The following CADPS2 variants were observed in gnomAD, a reference collection of about 807,000 sequenced individuals.
CADPS2 encodes calcium-dependent secretion activator 2.
CADPS2 carries 93 observed loss-of-function variants against 172.5 expected under a neutral mutation model. The observed-to-expected ratio is 0.54, with a 90% confidence interval of 0.46 to 0.64. CADPS2 has a LOEUF of 0.64. Among genes scored for constraint, CADPS2 ranks in the 30% least tolerant of loss-of-function variants. The pLI, the probability that CADPS2 is intolerant of heterozygous loss-of-function variation, is 0.00. For synonymous variants in CADPS2, 546 were observed against 555.2 expected, an observed-to-expected ratio of 0.98 and a Z score of 0.23; for missense variants, 1,420 against 1,565.9, an observed-to-expected ratio of 0.91 and a Z score of 1.57.
At chr7:122,588,006 C>T (rs2070047458) in intron 6 of CADPS2, among the ~76,000 whole-genome samples, 1 of 152,042 alleles carries the variant, frequency 6.6e-6, no homozygotes, top group Non-Finnish European at 1.5e-5. Context: ...GCATGAATGT[C>T]TTCTTTTGAA....
At chr7:122,701,585 T>C (rs536826384) in intron 2 of CADPS2, 33 of 244,848 alleles carry the variant, frequency 1.3e-4, no homozygotes, top group Non-Finnish European at 2.2e-4. Flanking sequence ...AAACTTAAAG[T>C]ATAATAAAAA....
intron 28 of CADPS2, among the ~76,000 whole-genome samples, chr7:122,341,991 G>T (rs2036849928): frequency 6.6e-6 from 1 of 152,146 alleles, no homozygotes; most frequent in Admixed American, 6.5e-5. Flanking sequence ...TTTTGTAAAT[G>T]TGACTACTTA....
At chr7:122,363,777 C>A (rs1206208781) in intron 25 of CADPS2, among the ~76,000 whole-genome samples, 1 of 152,060 alleles carries the variant, frequency 6.6e-6, no homozygotes, top group Non-Finnish European at 1.5e-5. Flanking sequence ...ATATGATTAG[C>A]AAAATCACTA....
chr7:122,820,444 T>C (rs985501086), intron 1 of CADPS2, among the ~76,000 whole-genome samples: 15 of 150,668 alleles, frequency 1.0e-4, no homozygotes. Context: ...AAACAACAAC[T>C]CCTTTCCTTC....
At chr7:122,334,058 T>C (rs1255823175) in intron 28 of CADPS2, among the ~76,000 whole-genome samples, 1 of 152,076 alleles carries the variant, frequency 6.6e-6, no homozygotes, top group South Asian at 2.1e-4. Flanking sequence ...AAGTAAACAG[T>C]TGCATTTGGC....
chr7:122,807,403 G>T (rs1799018779), intron 1 of CADPS2, among the ~76,000 whole-genome samples: 2 of 152,268 alleles, frequency 1.3e-5, no homozygotes, highest in East Asian at 1.9e-4. Context: ...CTATAATCTG[G>T]AGAGAAATTT....
chr7:122,665,080 A>G (rs1040718138), intron 2 of CADPS2, among the ~76,000 whole-genome samples: 2 of 151,822 alleles, frequency 1.3e-5, no homozygotes, highest in Non-Finnish European at 2.9e-5. Flanking sequence ...GATTACAGGC[A>G]TGAGCCACCA....
chr7:122,641,141 C>T (rs2077598125), intron 3 of CADPS2, among the ~76,000 whole-genome samples: 1 of 151,946 alleles, frequency 6.6e-6, no homozygotes, highest in African/African-American at 2.4e-5. Context: ...CAATAGATTA[C>T]TTTGCTCACA....
At chr7:122,424,866 T>C (rs2048950916) in intron 17 of CADPS2, among the ~76,000 whole-genome samples, 1 of 151,812 alleles carries the variant, frequency 6.6e-6, no homozygotes, top group African/African-American at 2.4e-5. Flanking sequence ...TTTTCTATGC[T>C]GTCTACTTAC....
intron 1 of CADPS2, among the ~76,000 whole-genome samples, chr7:122,757,697 AAAC>A (rs1195240539): frequency 6.6e-6 from 1 of 152,006 alleles, no homozygotes; most frequent in Non-Finnish European, 1.5e-5. Context: ...GAGTTTTTTA[AAAC>A]AACTGACTAA....
At chr7:122,461,308 A>G (rs1226511221) in intron 14 of CADPS2, among the ~76,000 whole-genome samples, 1 of 152,220 alleles carries the variant, frequency 6.6e-6, no homozygotes, top group Non-Finnish European at 1.5e-5. Context: ...GACAATATTT[A>G]AAGAGATAAT....
intron 24 of CADPS2, among the ~76,000 whole-genome samples, chr7:122,382,047 G>GAA (rs1191238869): frequency 8.5e-5 from 13 of 152,152 alleles, no homozygotes; most frequent in Admixed American, 3.9e-4. Context: ...GATGGCCCGA[G>GAA]AATTCCCATT....
chr7:122,368,849 A>T (rs944423156), intron 25 of CADPS2, among the ~76,000 whole-genome samples: 1 of 152,030 alleles, frequency 6.6e-6, no homozygotes, highest in African/African-American at 2.4e-5. Context: ...CTTTTGTTCT[A>T]GATTGAGAAA....
intron 1 of CADPS2, among the ~76,000 whole-genome samples, chr7:122,757,289 G>A (rs1170132025): frequency 6.6e-6 from 1 of 151,966 alleles, no homozygotes; most frequent in Non-Finnish European, 1.5e-5. Flanking sequence ...TGGGACTTGG[G>A]AGGTGCACGC....
chr7:122,768,298 GTATT>G (rs1324516680), intron 1 of CADPS2, among the ~76,000 whole-genome samples: 2 of 152,228 alleles, frequency 1.3e-5, no homozygotes, highest in East Asian at 1.9e-4. Flanking sequence ...TGAAGGTAAC[GTATT>G]TAGTTACCCA....
At chr7:122,853,803 C>A (rs1354498978) in intron 1 of CADPS2, among the ~76,000 whole-genome samples, 1 of 152,072 alleles carries the variant, frequency 6.6e-6, no homozygotes, top group African/African-American at 2.4e-5. Context: ...AGAGGGGAAG[C>A]AGGAGCGAAA....
intron 29 of CADPS2, among the ~76,000 whole-genome samples, chr7:122,323,874 TATATATATATA>T (rs1443103763): frequency 0.013 from 191 of 14,986 alleles, 3 homozygotes; most frequent in Non-Finnish European, 0.021. Context: ...ATGTATATTT[TATATATATATA>T]TATATATATA....
chr7:122,690,501 C>T (rs1030113188), intron 2 of CADPS2, among the ~76,000 whole-genome samples: 7 of 152,220 alleles, frequency 4.6e-5, no homozygotes, highest in African/African-American at 4.8e-5. Flanking sequence ...AGGCCACAAT[C>T]GCCAACCATC....
At position 122,568,568 on chromosome 7, in the gene CADPS2, T is replaced by C. The variant is rs1177111545; in HGVS notation, c.1335+12611A>G. ...AATAGGCTTACAGATATATAGATAA[T>C]TGATTTTTCACAAAGATGTTAAGTA... On this transcript the variant is annotated intron_variant, in intron 7 of 29. Transcript: ENST00000449022. Among the ~76,000 whole-genome samples, 9 of 152,260 alleles carry C rather than the reference T, an allele frequency of 5.9e-5. No homozygotes were observed. The South Asian group carries it at 1.7e-3, about 28-fold the overall frequency.
Sources: gnomAD v4.1 joint callset for allele counts (sites outside exome capture counted in the v4.1 genomes callset) on GRCh38, gnomAD v4.1.1 for gene constraint, MANE v1.5 for transcripts, NCBI Gene and HGNC (gene_info 2026-07-23, HGNC 2026-07-21) for gene names.